Variants in RUNX2 observed in about 807,000 individuals in gnomAD.
RUNX2 encodes RUNX family transcription factor 2, also known as runt-related transcription factor 2.
RUNX2 carries 10 observed loss-of-function variants against 51.7 expected under a neutral mutation model. That is an observed-to-expected ratio of 0.19 (90% CI 0.12 to 0.33). The LOEUF is 0.33. Among genes scored for constraint, RUNX2 ranks in the 10% least tolerant of loss-of-function variants. The pLI, the probability that RUNX2 is intolerant of heterozygous loss-of-function variation, is 1.00. For synonymous variants in RUNX2, 276 were observed against 273.6 expected (o/e 1.01, Z -0.09); for missense variants, 562 against 691.3 (o/e 0.81, Z 2.10).
intron 2 of RUNX2, among the ~76,000 whole-genome samples, chr6:45,418,226 G>A (rs538111393): frequency 1.3e-5 from 2 of 152,144 alleles, no homozygotes; most frequent in African/African-American, 4.8e-5. Context: ...AGGATAAAAG[G>A]CCTATGGGTT....
At chr6:45,502,507 T>C (rs996335878) in intron 6 of RUNX2, among the ~76,000 whole-genome samples, 5 of 152,126 alleles carry the variant, frequency 3.3e-5, no homozygotes, top group African/African-American at 1.2e-4. Flanking sequence ...CTCCCAGCTG[T>C]AGGCCCAAGG....
intron 2 of RUNX2, among the ~76,000 whole-genome samples, chr6:45,404,769 T>C (rs560141736): frequency 6.6e-6 from 1 of 152,334 alleles, no homozygotes; most frequent in African/African-American, 2.4e-5. Flanking sequence ...AATCAGAACA[T>C]CCCATTTTTA....
chr6:45,513,724 A>G (rs191997426), intron 7 of RUNX2: 1 of 152,346 alleles, frequency 6.6e-6, no homozygotes, highest in Admixed American at 6.5e-5. Context: ...ACCACTTTTC[A>G]TTATGACTCC....
intron 2 of RUNX2, 88 bp from the exon 3 acceptor site, chr6:45,422,505 A>G (rs1398394879): frequency 3.4e-6 from 2 of 584,984 alleles, no homozygotes; most frequent in Non-Finnish European, 4.6e-6. Context: ...CACCCCCCCA[A>G]TTTCCTCCTT....
chr6:45,360,729 T>C (rs1179282150), intron 2 of RUNX2, among the ~76,000 whole-genome samples: 1 of 152,128 alleles, frequency 6.6e-6, no homozygotes, highest in South Asian at 2.1e-4. Context: ...ACTGAGAAAA[T>C]TGTTAGTTCA....
At chr6:45,376,392 T>C (rs1004802426) in intron 2 of RUNX2, among the ~76,000 whole-genome samples, 6 of 152,204 alleles carry the variant, frequency 3.9e-5, no homozygotes, top group Admixed American at 3.3e-4. Flanking sequence ...ATGCAGTAGC[T>C]ACCACTAGCC....
At chr6:45,545,138 C>T in intron 7 of RUNX2, 79 bp from the exon 8 acceptor site, 1 of 1,214,550 alleles carries the variant, frequency 8.2e-7, no homozygotes, top group Non-Finnish European at 1.2e-6. Context: ...GCTGTTGCTT[C>T]TCCTTCTCTC....
intron 7 of RUNX2, among the ~76,000 whole-genome samples, chr6:45,530,303 T>C (rs1229460401): frequency 6.6e-6 from 1 of 152,214 alleles, no homozygotes; most frequent in Admixed American, 6.5e-5. Context: ...TTTGTAAAAG[T>C]TCATTAAAAT....
chr6:45,516,119 T>C (rs1801311615), intron 7 of RUNX2, among the ~76,000 whole-genome samples: 1 of 152,202 alleles, frequency 6.6e-6, no homozygotes, highest in Non-Finnish European at 1.5e-5. Context: ...TTATATTAGA[T>C]AGTCTTGTAG....
chr6:45,486,895 G>A (rs1284359033), intron 5 of RUNX2, among the ~76,000 whole-genome samples: 1 of 152,172 alleles, frequency 6.6e-6, no homozygotes, highest in Non-Finnish European at 1.5e-5. Flanking sequence ...GTCTTCGTGT[G>A]CCAGTTTCAG....
chr6:45,542,320 A>G (rs1802255330), intron 7 of RUNX2, among the ~76,000 whole-genome samples: 1 of 152,188 alleles, frequency 6.6e-6, no homozygotes, highest in Non-Finnish European at 1.5e-5. Flanking sequence ...TGGAAATGTT[A>G]TTAATATATT....
chr6:45,496,003 C>G (rs1228571459), intron 6 of RUNX2, among the ~76,000 whole-genome samples: 1 of 152,114 alleles, frequency 6.6e-6, no homozygotes, highest in Non-Finnish European at 1.5e-5. Context: ...CAGGGCCTCC[C>G]CACAGCTTCC....
chr6:45,352,218 C>A (rs979448032), intron 2 of RUNX2, among the ~76,000 whole-genome samples: 1 of 152,106 alleles, frequency 6.6e-6, no homozygotes. Context: ...TTACAAATAA[C>A]CTTTGATCGT....
intron 2 of RUNX2, among the ~76,000 whole-genome samples, chr6:45,374,911 TA>T (rs1028649151): frequency 6.6e-6 from 1 of 152,204 alleles, no homozygotes; most frequent in African/African-American, 2.4e-5. Context: ...GTCACTGTTT[TA>T]AAGTATATTT....
intron 6 of RUNX2, among the ~76,000 whole-genome samples, chr6:45,506,795 T>G (rs116710986): frequency 6.6e-6 from 1 of 152,002 alleles, no homozygotes; most frequent in Non-Finnish European, 1.5e-5. Flanking sequence ...CATGTTTCAC[T>G]GCACCCGGAT....
chr6:45,499,039 T>A (rs1800727564), intron 6 of RUNX2, among the ~76,000 whole-genome samples: 1 of 152,108 alleles, frequency 6.6e-6, no homozygotes, highest in Admixed American at 6.5e-5. Context: ...GACAGTAGGG[T>A]ACCATCAGTG....
intron 7 of RUNX2, chr6:45,513,503 A>G (rs1801227032): frequency 6.6e-6 from 1 of 152,136 alleles, no homozygotes; most frequent in Non-Finnish European, 1.5e-5. Context: ...CTGAAGCTCC[A>G]CCAGCAGGCT....
At chr6:45,535,642 A>G (rs1391627725) in intron 7 of RUNX2, among the ~76,000 whole-genome samples, 1 of 151,970 alleles carries the variant, frequency 6.6e-6, no homozygotes, top group East Asian at 1.9e-4. Context: ...ATACAAATGA[A>G]GAACTAATTG....
At chr6:45,418,517 G>A (rs535723716) in intron 2 of RUNX2, among the ~76,000 whole-genome samples, 4 of 152,154 alleles carry the variant, frequency 2.6e-5, no homozygotes, top group Non-Finnish European at 5.9e-5. Flanking sequence ...ACATTTTGAC[G>A]TAGAAAATCT....
Sources: gnomAD v4.1 joint callset for allele counts (sites outside exome capture counted in the v4.1 genomes callset) on GRCh38, gnomAD v4.1.1 for gene constraint, MANE v1.5 for transcripts, NCBI Gene and HGNC (gene_info 2026-07-23, HGNC 2026-07-21) for gene names.